The following DLGAP2 variants were observed in gnomAD, a reference collection of about 807,000 sequenced individuals.
The protein encoded by DLGAP2 is DLG associated protein 2.
In DLGAP2, 26 loss-of-function variants were observed where a neutral mutation model predicts 100.3. The ratio of observed to expected loss-of-function variants is 0.26; its 90% CI spans 0.19 to 0.36. DLGAP2 has a LOEUF of 0.36. Among genes scored for constraint, DLGAP2 ranks in the 10% least tolerant of loss-of-function variants. The pLI is 1.00. For synonymous variants in DLGAP2, 886 were observed against 630.1 expected, an observed-to-expected ratio of 1.41 and a Z score of -6.08; for missense variants, 1,858 against 1,453.2, an observed-to-expected ratio of 1.28 and a Z score of -4.53.
chr8:1,250,596 A>G (rs889014952), intron 2 of DLGAP2: 40 of 152,290 alleles, frequency 2.6e-4, no homozygotes, highest in African/African-American at 9.1e-4. Context: ...TCCAGAAGCA[A>G]TAGCTTCAGG....
intron 1 of DLGAP2, chr8:754,280 C>A (rs1820864413): frequency 6.6e-6 from 1 of 152,232 alleles, no homozygotes; most frequent in Non-Finnish European, 1.5e-5. Context: ...ACTTCCCGAT[C>A]TCACTGACAC....
intron 4 of DLGAP2, among the ~76,000 whole-genome samples, chr8:1,522,694 G>C (rs1205224374): frequency 2.0e-5 from 3 of 152,186 alleles, no homozygotes; most frequent in South Asian, 2.1e-4. Flanking sequence ...AGCAGAAAGA[G>C]GGAGAATGAG....
At chr8:1,360,787 C>T (rs540826665) in intron 3 of DLGAP2, among the ~76,000 whole-genome samples, 16 of 152,168 alleles carry the variant, frequency 1.1e-4, no homozygotes, top group South Asian at 2.1e-4. Flanking sequence ...TGGCCTGACA[C>T]GGTTGCCCAG....
At chr8:989,081 C>T (rs921794168) in intron 2 of DLGAP2, among the ~76,000 whole-genome samples, 5 of 152,178 alleles carry the variant, frequency 3.3e-5, no homozygotes, top group Non-Finnish European at 7.3e-5. Context: ...GCACAGATCC[C>T]GTCTAGTCAG....
chr8:1,315,269 G>T (rs1423838058), intron 3 of DLGAP2, among the ~76,000 whole-genome samples: 1 of 151,650 alleles, frequency 6.6e-6, no homozygotes, highest in Non-Finnish European at 1.5e-5. Context: ...GAGAAACTCG[G>T]CAGCGTTTAA....
chr8:1,096,508 G>A (rs1234557369), intron 2 of DLGAP2, among the ~76,000 whole-genome samples: 1 of 151,736 alleles, frequency 6.6e-6, no homozygotes, highest in Non-Finnish European at 1.5e-5. Context: ...ATCAAGCTCT[G>A]TGGCATGGAG....
chr8:836,076 GC>G (rs1796869172), intron 1 of DLGAP2, among the ~76,000 whole-genome samples: 1 of 152,212 alleles, frequency 6.6e-6, no homozygotes, highest in African/African-American at 2.4e-5. Context: ...GACACCCGCA[GC>G]CATGGAGCAC....
chr8:1,602,037 T>C (rs1796644378), intron 6 of DLGAP2, among the ~76,000 whole-genome samples: 1 of 151,610 alleles, frequency 6.6e-6, no homozygotes, highest in Non-Finnish European at 1.5e-5. Flanking sequence ...GAGCTGTCAG[T>C]CCTGCTGCCT....
At chr8:856,129 G>T (rs1199916543) in intron 1 of DLGAP2, among the ~76,000 whole-genome samples, 7 of 149,712 alleles carry the variant, frequency 4.7e-5, no homozygotes, top group African/African-American at 1.7e-4. Context: ...CAGATGACAT[G>T]ATTATTTATG....
chr8:1,356,236 C>A (rs1801847663), intron 3 of DLGAP2, among the ~76,000 whole-genome samples: 1 of 152,186 alleles, frequency 6.6e-6, no homozygotes, highest in Non-Finnish European at 1.5e-5. Flanking sequence ...GGACATGGGA[C>A]CCGGGGAGCC....
chr8:897,791 C>A (rs894209922), intron 1 of DLGAP2, among the ~76,000 whole-genome samples: 5 of 152,174 alleles, frequency 3.3e-5, no homozygotes, highest in Non-Finnish European at 7.3e-5. Flanking sequence ...TTCCTTATGA[C>A]ACTGATGAGG....
At position 1,226,264 on chromosome 8, in the gene DLGAP2, G is replaced by A. The variant is rs534517659; in HGVS notation, c.74-32587G>A. On this transcript the variant is annotated intron_variant, in intron 2 of 14. Coordinates refer to ENST00000637795, the MANE Select transcript of DLGAP2 (RefSeq NM_001346810.2). ...ATGATAGACTGGATAAAAAAAATGC[G>A]GTGCACCATGGAATACTATGCAGCC... is the stretch of plus-strand genomic sequence containing the variant. Among the ~76,000 whole-genome samples, 136 of 152,150 alleles carry A rather than the reference G, an allele frequency of 8.9e-4. 1 individual carries two copies. In the Middle Eastern group the frequency reaches 0.01, roughly 11 times the overall value.
At chr8:863,186 C>T (rs905641705) in intron 1 of DLGAP2, among the ~76,000 whole-genome samples, 1 of 152,102 alleles carries the variant, frequency 6.6e-6, no homozygotes, top group African/African-American at 2.4e-5. Flanking sequence ...AAGGGACCAG[C>T]CTATTTTGTG....
intron 2 of DLGAP2, among the ~76,000 whole-genome samples, chr8:934,669 A>G (rs566950072): frequency 6.6e-6 from 1 of 152,112 alleles, no homozygotes; most frequent in Admixed American, 6.5e-5. Flanking sequence ...GCAGATGCGG[A>G]AACTCATCCT....
chr8:975,117 C>G (rs950288639), intron 2 of DLGAP2, among the ~76,000 whole-genome samples: 1 of 152,168 alleles, frequency 6.6e-6, no homozygotes, highest in Non-Finnish European at 1.5e-5. Flanking sequence ...ATGAATAACT[C>G]TGTGTCCAAG....
intron 2 of DLGAP2, among the ~76,000 whole-genome samples, chr8:1,069,047 C>T (rs938227303): frequency 9.9e-5 from 15 of 152,176 alleles, no homozygotes; most frequent in Non-Finnish European, 2.9e-5. Flanking sequence ...CATTAAAAAT[C>T]CCCGGCTGAA....
intron 8 of DLGAP2, among the ~76,000 whole-genome samples, chr8:1,662,291 T>C (rs1478112891): frequency 6.6e-6 from 1 of 152,248 alleles, no homozygotes; most frequent in African/African-American, 2.4e-5. Context: ...TAGTTAATAG[T>C]CCCTTTAAAC....
At chr8:1,278,561 A>G (rs1374297243) in intron 3 of DLGAP2, among the ~76,000 whole-genome samples, 2 of 152,252 alleles carry the variant, frequency 1.3e-5, no homozygotes, top group African/African-American at 4.8e-5. Flanking sequence ...AATCAGGTTT[A>G]GTAAAATTCA....
chr8:1,119,923 A>G (rs1027846327), intron 2 of DLGAP2, among the ~76,000 whole-genome samples: 1 of 152,166 alleles, frequency 6.6e-6, no homozygotes, highest in Non-Finnish European at 1.5e-5. Context: ...GTTTCCTTGT[A>G]GTTGGGAAGA....
Sources: allele counts gnomAD v4.1 joint callset (sites outside exome capture counted in the v4.1 genomes callset), GRCh38; gene constraint gnomAD v4.1.1; transcripts MANE v1.5; gene names NCBI Gene and HGNC (gene_info 2026-07-23, HGNC 2026-07-21).